Variants in GARRE1 observed in about 807,000 individuals in gnomAD.
The protein encoded by GARRE1 is granule associated Rac and RHOG effector protein 1.
In GARRE1, 49 loss-of-function variants were observed where a neutral mutation model predicts 103.2. That is an observed-to-expected ratio of 0.47 (90% CI 0.38 to 0.60). GARRE1 has a LOEUF of 0.60. Ranked by LOEUF, GARRE1 falls within the 20% of genes least tolerant of loss-of-function variation. GARRE1 has a pLI of 0.00. For missense variants in GARRE1, 1,199 were observed against 1,370.5 expected, an observed-to-expected ratio of 0.87 and a Z score of 1.98; for synonymous variants, 505 against 532.8, an observed-to-expected ratio of 0.95 and a Z score of 0.72.
chr19:34,336,214 C>T (rs1266253949), intron 8 of GARRE1, among the ~76,000 whole-genome samples: 1 of 152,062 alleles, frequency 6.6e-6, no homozygotes, highest in Non-Finnish European at 1.5e-5. Flanking sequence ...TGGTCTGGGA[C>T]TCCTGGGCTC....
intron 1 of GARRE1, among the ~76,000 whole-genome samples, chr19:34,272,051 A>G (rs2073791460): frequency 6.6e-6 from 1 of 152,174 alleles, no homozygotes; most frequent in Admixed American, 6.5e-5. Context: ...TTGCTGTAGA[A>G]GAGGCACTGT....
chr19:34,326,677 T>C (rs781394682), intron 3 of GARRE1, among the ~76,000 whole-genome samples: 5 of 152,204 alleles, frequency 3.3e-5, no homozygotes, highest in African/African-American at 1.2e-4. Flanking sequence ...ATGCCAACCA[T>C]GTATGTTCTT....
intron 8 of GARRE1, among the ~76,000 whole-genome samples, chr19:34,337,573 G>T (rs984534306): frequency 3.9e-5 from 6 of 152,184 alleles, no homozygotes; most frequent in African/African-American, 1.4e-4. Flanking sequence ...GCTAGGTGGT[G>T]ATGAGGATGG....
intron 2 of GARRE1, among the ~76,000 whole-genome samples, chr19:34,315,709 T>C (rs1194767259): frequency 2.0e-4 from 1 of 4,988 alleles, no homozygotes; most frequent in South Asian, 3.9e-3. Flanking sequence ...AGACTCTGTC[T>C]CAAAAAAAAA....
intron 7 of GARRE1, among the ~76,000 whole-genome samples, chr19:34,333,108 G>A (rs973495504): frequency 6.6e-6 from 1 of 152,114 alleles, no homozygotes; most frequent in Non-Finnish European, 1.5e-5. Context: ...GTGCAGTGGC[G>A]CAATCTCGGC....
Position 34,330,884 on chromosome 19 carries a change from G to A in GARRE1, c.1263+537G>A, listed in dbSNP as rs573335003. On this transcript the variant is annotated intron_variant, in intron 7 of 13. Transcript: ENST00000299505. ...CAAGTAGCTGAGATGGTAGGCACCC[G>A]CCACCACATCTGGCTAATTTTTTTT... 5.0e-3 allele frequency among the ~76,000 whole-genome samples: 746 copies of A among 149,184 alleles called. 5 individuals carry two copies. The highest frequency in any genetic ancestry group is 0.017 in the African/African-American group (714 of 40,838).
chr19:34,291,138 C>T (rs2073915637), intron 1 of GARRE1, among the ~76,000 whole-genome samples: 2 of 151,898 alleles, frequency 1.3e-5, no homozygotes, highest in African/African-American at 4.8e-5. Flanking sequence ...AAACTCCTGA[C>T]CTCAGGTGAT....
At chr19:34,308,879 G>T (rs1329997229) in intron 2 of GARRE1, among the ~76,000 whole-genome samples, 1 of 152,130 alleles carries the variant, frequency 6.6e-6, no homozygotes, top group Non-Finnish European at 1.5e-5. Context: ...TCAACCAGTG[G>T]CCAACAGTGG....
chr19:34,332,544 T>C (rs2074142555), intron 7 of GARRE1, among the ~76,000 whole-genome samples: 2 of 152,166 alleles, frequency 1.3e-5, no homozygotes, highest in East Asian at 1.9e-4. Flanking sequence ...TGTGTGACTT[T>C]AGGTTATGGT....
intron 6 of GARRE1, among the ~76,000 whole-genome samples, chr19:34,329,637 A>G (rs996896536): frequency 6.6e-6 from 1 of 152,148 alleles, no homozygotes; most frequent in African/African-American, 2.4e-5. Context: ...GGAGTTCAAG[A>G]CCAGCCTGGG....
At chr19:34,283,249 C>G (rs998493969) in intron 1 of GARRE1, among the ~76,000 whole-genome samples, 3 of 152,156 alleles carry the variant, frequency 2.0e-5, no homozygotes, top group Admixed American at 6.5e-5. Context: ...TTAATTAATT[C>G]AGGGACTAAA....
chr19:34,341,894 T>C lies in GARRE1; in HGVS notation c.1960T>C (p.Ser654Pro). 2 of 1,614,188 alleles carry C rather than the reference T, an allele frequency of 1.2e-6. No homozygotes were observed. The highest frequency in any genetic ancestry group is 1.7e-6 in the Non-Finnish European group (2 of 1,180,036). Reference protein sequence around the residue: ...QEMQEVIDFLSGFNMGQSHQG... With the variant: ...QEMQEVIDFLPGFNMGQSHQG... ...AATGCAAGAGGTGATAGATTTTCTC[T>C]CGGGCTTTAACATGGGCCAGTCACA... is the stretch of plus-strand genomic sequence containing the variant. The change falls in exon 10 of 14, where the codon TCG (serine) becomes CCG (proline). Residue 654 changes from serine (S) to proline (P), a missense_variant. By Grantham distance (74) the Ser-to-Pro change is moderately conservative. Transcript: ENST00000299505.
chr19:34,319,777 C>A, intron 2 of GARRE1, 130 bp from the exon 3 acceptor site: 1 of 790,276 alleles, frequency 1.3e-6, no homozygotes, highest in South Asian at 1.6e-5. Context: ...GCATGGTGGC[C>A]TTTTAACTTT....
chr19:34,352,603 T>C lies in GARRE1; in HGVS notation c.2905-44T>C, dbSNP rs1484194404. 2.6e-6 allele frequency: 4 copies of C among 1,515,474 alleles called. No individual in the cohort carries two copies. The South Asian group carries it at 3.6e-5, about 14-fold the overall frequency. 93.9% of individuals were successfully genotyped at this position (1,515,474 alleles called of 1,614,324 possible). A position where few individuals can be genotyped will look rare whatever the true frequency, so the allele number is the denominator to read the frequency against. On this transcript the variant is annotated intron_variant, in intron 13 of 13. Coordinates refer to ENST00000299505, the MANE Select transcript of GARRE1 (RefSeq NM_014686.5). ...CATCTGGGGAGGTGGGAAATGATGATACATTGCCCGAAATGCCACTAAGAA... is the reference window on the plus strand; with the variant it reads ...CATCTGGGGAGGTGGGAAATGATGACACATTGCCCGAAATGCCACTAAGAA...
intron 1 of GARRE1, among the ~76,000 whole-genome samples, chr19:34,271,231 C>T (rs2073785220): frequency 6.7e-6 from 1 of 149,226 alleles, no homozygotes; most frequent in African/African-American, 2.5e-5. Context: ...TCAGGTATAC[C>T]TTCTGTGCAC....
chr19:34,275,456 A>G (rs2073811604), intron 1 of GARRE1, among the ~76,000 whole-genome samples: 1 of 151,668 alleles, frequency 6.6e-6, no homozygotes. Context: ...TTTTGTTTCA[A>G]TGGATTTACG....
rs74393840 is a variant in GARRE1, at chr19:34,325,629, C to T, written c.706-1792C>T. On this transcript the variant is annotated intron_variant, in intron 3 of 13. Transcript: ENST00000299505. ...TTGTTCAGGGAATCGTTACTTCTCC[C>T]CTCCCTGTCTTGCTCGCCTTCATTT... 4.3e-3 allele frequency among the ~76,000 whole-genome samples: 657 copies of T among 152,312 alleles called. 3 individuals carry two copies. The highest frequency in any genetic ancestry group is 0.014 in the African/African-American group (592 of 41,552).
At chr19:34,285,612 G>A (rs1426207291) in intron 1 of GARRE1, among the ~76,000 whole-genome samples, 2 of 152,040 alleles carry the variant, frequency 1.3e-5, no homozygotes, top group East Asian at 1.9e-4. Context: ...AACAGAGTGA[G>A]ACTTCATCTC....
Position 34,342,405 on chromosome 19 carries a change from G to A in GARRE1, c.2471G>A (p.Ser824Asn), listed in dbSNP as rs201911811. The A allele has an allele frequency of 1.7e-5, 27 of 1,614,190 alleles. No individual in the cohort carries two copies. Among genetic ancestry groups the A allele is most frequent in the Middle Eastern group, 1.6e-4 (1 of 6,062 alleles). ...RNNTWPNRDQ[S>N]DGVFGMLGEI... is the part of the protein sequence containing the mutation. ...AACACCTGGCCCAACCGTGACCAAA[G>A]TGATGGAGTCTTTGGAATGCTGGGA... The change falls in exon 10 of 14, where the codon AGT becomes AAT. Residue 824 changes from serine to asparagine, a missense_variant. By Grantham distance (46) the Ser-to-Asn change is conservative. Coordinates refer to ENST00000299505, the MANE Select transcript of GARRE1 (RefSeq NM_014686.5).
Sources: gnomAD v4.1 joint callset for allele counts (sites outside exome capture counted in the v4.1 genomes callset) on GRCh38, gnomAD v4.1.1 for gene constraint, MANE v1.5 for transcripts, NCBI Gene and HGNC (gene_info 2026-07-23, HGNC 2026-07-21) for gene names.